The following RARS2 variants were observed in gnomAD, a reference collection of about 807,000 sequenced individuals.
RARS2 encodes the protein arginyl-tRNA synthetase 2, mitochondrial.
RARS2 carries 67 observed loss-of-function variants against 88.5 expected under a neutral mutation model. The observed-to-expected ratio is 0.76, with a 90% CI of 0.62 to 0.93. RARS2 has a LOEUF of 0.93. RARS2 is among the 40% of genes least tolerant of loss of function. RARS2 has a pLI of 0.00. For missense variants in RARS2, 664 were observed against 684.2 expected, an observed-to-expected ratio of 0.97 and a Z score of 0.33; for synonymous variants, 239 against 230.3, an observed-to-expected ratio of 1.04 and a Z score of -0.34.
intron 1 of RARS2, among the ~76,000 whole-genome samples, chr6:87,570,268 A>C (rs1404182249): frequency 1.3e-5 from 2 of 152,102 alleles, no homozygotes; most frequent in Non-Finnish European, 2.9e-5. Context: ...AACTCCCCAA[A>C]GTACTGGGAT....
chr6:87,563,167 G>T (rs1255458214), intron 3 of RARS2, among the ~76,000 whole-genome samples: 1 of 152,110 alleles, frequency 6.6e-6, no homozygotes, highest in African/African-American at 2.4e-5. Flanking sequence ...CAGGGTCTAC[G>T]CTAAAGCACC....
chr6:87,565,446 T>G (rs1349153981), intron 2 of RARS2, among the ~76,000 whole-genome samples: 1 of 152,150 alleles, frequency 6.6e-6, no homozygotes, highest in Non-Finnish European at 1.5e-5. Context: ...AATAAATCAT[T>G]TGCATCATGA....
intron 1 of RARS2, among the ~76,000 whole-genome samples, chr6:87,576,760 T>TA (rs1311267603): frequency 1.3e-5 from 2 of 152,204 alleles, no homozygotes; most frequent in Non-Finnish European, 2.9e-5. Flanking sequence ...AAACTGAATC[T>TA]ACATATCAAG....
At chr6:87,568,469 C>T (rs527917377) in intron 2 of RARS2, among the ~76,000 whole-genome samples, 5 of 152,318 alleles carry the variant, frequency 3.3e-5, no homozygotes, top group Admixed American at 2.0e-4. Flanking sequence ...CACTGCCCTC[C>T]AGCTTGGGTG....
intron 7 of RARS2, 112 bp from the exon 8 acceptor site, chr6:87,542,106 T>C: frequency 1.2e-6 from 1 of 801,648 alleles, no homozygotes; most frequent in Non-Finnish European, 2.1e-6. Context: ...TTATGTATCC[T>C]GAGAAGTATT....
intron 10 of RARS2, among the ~76,000 whole-genome samples, 186 bp from the exon 11 acceptor site, chr6:87,524,838 G>T (rs1185308090): frequency 6.6e-6 from 1 of 152,108 alleles, no homozygotes. Flanking sequence ...TTATGAATGG[G>T]TATGATGTAA....
intron 4 of RARS2, among the ~76,000 whole-genome samples, chr6:87,556,725 G>A (rs1263327880): frequency 1.3e-5 from 2 of 148,788 alleles, no homozygotes; most frequent in Admixed American, 1.3e-4. Flanking sequence ...CTGGGAAGCA[G>A]AGGTTGCAGT....
rs539726970 is a variant in RARS2, at chr6:87,565,535, T to C, written c.111-1303A>G. ...TCAGTGACTTCAACATTATCTGTAA[T>C]GCTTAACAAAAATCAAAAGCTCTCC... On this transcript the variant is annotated intron_variant, in intron 2 of 19. Coordinates refer to ENST00000369536, the MANE Select transcript of RARS2 (RefSeq NM_020320.5). Among the ~76,000 whole-genome samples, 4 of 152,220 alleles carry C rather than the reference T, an allele frequency of 2.6e-5. No homozygotes were observed. In the East Asian group the frequency reaches 7.7e-4, roughly 29 times the overall value.
intron 8 of RARS2, among the ~76,000 whole-genome samples, chr6:87,538,795 A>T (rs1779977695): frequency 6.6e-6 from 1 of 152,152 alleles, no homozygotes; most frequent in Non-Finnish European, 1.5e-5. Context: ...GCACTTTGGG[A>T]GTTTGAGGCA....
At chr6:87,527,713 A>G (rs1311651843) in intron 10 of RARS2, among the ~76,000 whole-genome samples, 2 of 152,170 alleles carry the variant, frequency 1.3e-5, no homozygotes, top group Admixed American at 1.3e-4. Flanking sequence ...AAAAACAACA[A>G]CAAAAAAACT....
chr6:87,550,177 C>T (rs929678490), intron 5 of RARS2, among the ~76,000 whole-genome samples: 5 of 151,942 alleles, frequency 3.3e-5, no homozygotes, highest in African/African-American at 1.2e-4. Context: ...TAAAAAAAAA[C>T]CTTCCATTTC....
intron 8 of RARS2, 151 bp downstream of exon 8, chr6:87,541,767 T>C (rs763782831): frequency 1.0e-5 from 6 of 583,744 alleles, no homozygotes; most frequent in African/African-American, 5.6e-5. Flanking sequence ...GAGGTTGCAG[T>C]GAGCTGAGAT....
At chr6:87,544,903 A>G (rs557385482) in intron 7 of RARS2, among the ~76,000 whole-genome samples, 4 of 152,338 alleles carry the variant, frequency 2.6e-5, no homozygotes, top group South Asian at 4.1e-4. Flanking sequence ...TGGCTATGGT[A>G]TAACAGGGGA....
At chr6:87,522,912 C>T (rs1562073556) in intron 11 of RARS2, among the ~76,000 whole-genome samples, 1 of 152,062 alleles carries the variant, frequency 6.6e-6, no homozygotes, top group Non-Finnish European at 1.5e-5. Context: ...AGCTGGCCAA[C>T]AAAAAATCTT....
chr6:87,548,658 A>G lies in RARS2; in HGVS notation c.396-12T>C. On this transcript the variant is annotated splice_polypyrimidine_tract_variant and intron_variant, in intron 5 of 19. Transcript: ENST00000369536. ...CAACATTAGGTGAACTGCAAAAAAA[A>G]TGGGAAACATTTCTCTATTCTAAGA... 1 of 1,610,398 alleles carries G rather than the reference A, an allele frequency of 6.2e-7. No homozygotes were observed. Among genetic ancestry groups the G allele is most frequent in the Non-Finnish European group, 8.5e-7 (1 of 1,177,714 alleles).
At chr6:87,537,537 T>C (rs537539079) in intron 8 of RARS2, among the ~76,000 whole-genome samples, 1 of 152,254 alleles carries the variant, frequency 6.6e-6, no homozygotes, top group African/African-American at 2.4e-5. Flanking sequence ...CCACAAATTA[T>C]ATATAATTAG....
At chr6:87,518,365 G>A in intron 16 of RARS2, 101 bp from the exon 17 acceptor site, 1 of 1,584,738 alleles carries the variant, frequency 6.3e-7, no homozygotes, top group Non-Finnish European at 8.6e-7. Context: ...CACAATTTTG[G>A]TCTCCTTAAT....
intron 7 of RARS2, among the ~76,000 whole-genome samples, chr6:87,543,898 C>T (rs770865221): frequency 6.6e-6 from 1 of 152,016 alleles, no homozygotes. Context: ...CTCAGTGTTC[C>T]AAAACACAAA....
intron 8 of RARS2, among the ~76,000 whole-genome samples, chr6:87,536,412 G>A (rs148083222): frequency 1.2e-3 from 178 of 152,038 alleles, no homozygotes; most frequent in African/African-American, 4.0e-3. Context: ...CAAGGTGGGC[G>A]GATCACAAGG....
Sources: gnomAD v4.1 joint callset for allele counts (sites outside exome capture counted in the v4.1 genomes callset) on GRCh38, gnomAD v4.1.1 for gene constraint, MANE v1.5 for transcripts, NCBI Gene and HGNC (gene_info 2026-07-23, HGNC 2026-07-21) for gene names.